Variants in ROBO2 observed in about 807,000 individuals in gnomAD.
The protein encoded by ROBO2 is roundabout homolog 2.
ROBO2 carries 53 observed loss-of-function variants against 160.8 expected under a neutral mutation model. The ratio of observed to expected loss-of-function variants is 0.33; its 90% CI spans 0.26 to 0.41. The LOEUF (loss-of-function observed/expected upper bound fraction) is 0.41. ROBO2 is among the 10% of genes least tolerant of loss of function. ROBO2 has a pLI of 1.00. For synonymous variants in ROBO2, 664 were observed against 611.7 expected, an observed-to-expected ratio of 1.09 and a Z score of -1.26; for missense variants, 1,577 against 1,722.4, an observed-to-expected ratio of 0.92 and a Z score of 1.49.
chr3:77,634,761 T>G, intron 23 of ROBO2, 109 bp from the exon 25 acceptor site: 1 of 1,022,520 alleles, frequency 9.8e-7, no homozygotes, highest in Non-Finnish European at 1.5e-6. Flanking sequence ...TATCTTCATA[T>G]GTTATCTCTA....
chr3:76,494,097 T>C (rs570873545), intron 2 of ROBO2, among the ~76,000 whole-genome samples: 1 of 152,036 alleles, frequency 6.6e-6, no homozygotes, highest in Admixed American at 6.6e-5. Context: ...ATGTTCACAG[T>C]AGCGCCAACC....
At chr3:77,594,966 C>A (rs1008900901) in intron 17 of ROBO2, among the ~76,000 whole-genome samples, 176 bp from the exon 19 acceptor site, 1 of 152,152 alleles carries the variant, frequency 6.6e-6, no homozygotes, top group Non-Finnish European at 1.5e-5. Context: ...CAAATGATGG[C>A]TTTGCCTTGG....
intron 2 of ROBO2, among the ~76,000 whole-genome samples, chr3:77,200,325 T>C: frequency 1.2e-5 from 1 of 82,560 alleles, no homozygotes; most frequent in African/African-American, 4.0e-5. Flanking sequence ...ATATATATTT[T>C]AGTTTCTATA....
chr3:75,911,469 A>G (rs1356416335), intron 1 of ROBO2, among the ~76,000 whole-genome samples: 4 of 146,368 alleles, frequency 2.7e-5, no homozygotes, highest in African/African-American at 5.0e-5. Context: ...TTAGATTGCT[A>G]TTTTTATTAT....
chr3:75,937,457 A>C, intron 1 of ROBO2: 1 of 1,320,578 alleles, frequency 7.6e-7, no homozygotes, highest in Non-Finnish European at 1.0e-6. Context: ...TTGTACTTTC[A>C]CATCCACCCC....
rs149053331 is a variant in ROBO2 at position 77,121,721 on chromosome 3, G to A, written c.388+23381G>A. The stretch of plus-strand genomic sequence containing the variant: ...TATATTATATATTAGTGTTGGAATT[G>A]CTTGGATGATTAAGATCTCATCAGG... On this transcript the variant is annotated intron_variant, in intron 2 of 25. Transcript: ENST00000461745. Among the ~76,000 whole-genome samples, 283 of 152,110 alleles carry A rather than the reference G, an allele frequency of 1.9e-3. 1 individual carries two copies. Among genetic ancestry groups the A allele is most frequent in the South Asian group, 2.9e-3 (14 of 4,820 alleles).
intron 2 of ROBO2, among the ~76,000 whole-genome samples, chr3:77,147,890 C>G (rs1454831552): frequency 1.3e-5 from 2 of 152,120 alleles, no homozygotes; most frequent in Admixed American, 6.5e-5. Context: ...CACATCCACT[C>G]CGAAAAGTTA....
chr3:76,394,616 G>A (rs891149537), intron 2 of ROBO2, among the ~76,000 whole-genome samples: 18 of 151,982 alleles, frequency 1.2e-4, no homozygotes, highest in Admixed American at 7.2e-4. Context: ...TGCTCTTCTC[G>A]AGGAGTATCT....
At chr3:76,482,163 G>A (rs1432417092) in intron 2 of ROBO2, among the ~76,000 whole-genome samples, 5 of 152,168 alleles carry the variant, frequency 3.3e-5, no homozygotes, top group African/African-American at 9.6e-5. Flanking sequence ...ATAGAATCAC[G>A]CTCTGCAGGT....
At chr3:76,884,530 A>C (rs1256493221) in intron 2 of ROBO2, among the ~76,000 whole-genome samples, 1 of 152,194 alleles carries the variant, frequency 6.6e-6, no homozygotes, top group Admixed American at 6.5e-5. Flanking sequence ...ATGTCAAATC[A>C]GAATTCACCA....
At chr3:76,747,113 A>G (rs2093907028) in intron 2 of ROBO2, among the ~76,000 whole-genome samples, 1 of 152,150 alleles carries the variant, frequency 6.6e-6, no homozygotes, top group Non-Finnish European at 1.5e-5. Context: ...CAATAAACAT[A>G]TGCGTGCATG....
intron 2 of ROBO2, among the ~76,000 whole-genome samples, chr3:76,181,055 G>A (rs1701477709): frequency 6.6e-6 from 1 of 152,010 alleles, no homozygotes; most frequent in African/African-American, 2.4e-5. Context: ...TTCCTTAAGG[G>A]CTCAGTTTAA....
chr3:76,765,579 AC>A (rs1177070234), intron 2 of ROBO2, among the ~76,000 whole-genome samples: 2 of 151,592 alleles, frequency 1.3e-5, no homozygotes, highest in Admixed American at 1.3e-4. Flanking sequence ...CTCTTGGCAC[AC>A]TCACTGTGGA....
intron 2 of ROBO2, among the ~76,000 whole-genome samples, chr3:76,342,734 T>C (rs1310767220): frequency 1.3e-5 from 2 of 152,106 alleles, no homozygotes; most frequent in East Asian, 3.9e-4. Flanking sequence ...ATTATTGTCA[T>C]TGGACTACTG....
chr3:77,446,846 A>G (rs917957515), intron 2 of ROBO2, among the ~76,000 whole-genome samples: 20 of 152,224 alleles, frequency 1.3e-4, no homozygotes, highest in African/African-American at 4.1e-4. Flanking sequence ...TACATGGGAA[A>G]AGCTATTTCT....
chr3:77,207,032 G>A (rs1266137217), intron 2 of ROBO2, among the ~76,000 whole-genome samples: 1 of 152,058 alleles, frequency 6.6e-6, no homozygotes, highest in East Asian at 1.9e-4. Context: ...TAAACATTTT[G>A]TACCTATAAA....
intron 23 of ROBO2, chr3:77,632,250 A>C (rs756528039): frequency 2.3e-6 from 1 of 437,718 alleles, no homozygotes; most frequent in African/African-American, 2.0e-5. Context: ...AGTGCAGCAC[A>C]TGCTTTGCTT....
intron 2 of ROBO2, among the ~76,000 whole-genome samples, chr3:76,853,343 T>G (rs2069624381): frequency 6.6e-6 from 1 of 152,078 alleles, no homozygotes; most frequent in African/African-American, 2.4e-5. Flanking sequence ...AATCACAAAT[T>G]TCAATCTAAC....
At chr3:76,790,517 A>C (rs2063291037) in intron 2 of ROBO2, among the ~76,000 whole-genome samples, 1 of 151,722 alleles carries the variant, frequency 6.6e-6, no homozygotes, top group African/African-American at 2.4e-5. Context: ...AATAAATCAA[A>C]AATGTATTTA....
Sources: gnomAD v4.1 joint callset for allele counts (sites outside exome capture counted in the v4.1 genomes callset) on GRCh38, gnomAD v4.1.1 for gene constraint, MANE v1.5 for transcripts, NCBI Gene and HGNC (gene_info 2026-07-23, HGNC 2026-07-21) for gene names.